Variants in GUCY1A2 observed in about 807,000 individuals in gnomAD.
The protein encoded by GUCY1A2 is guanylate cyclase soluble subunit alpha-2.
GUCY1A2 carries 27 observed loss-of-function variants against 63.5 expected under a neutral mutation model. The ratio of observed to expected loss-of-function variants is 0.43; its 90% CI spans 0.31 to 0.59. The LOEUF is 0.59. Ranked by LOEUF, GUCY1A2 falls within the 20% of genes least tolerant of loss-of-function variation. The pLI, the probability that GUCY1A2 is intolerant of heterozygous loss-of-function variation, is 0.11. For synonymous variants in GUCY1A2, 364 were observed against 343.5 expected (o/e 1.06, Z -0.66); for missense variants, 768 against 913.3 (o/e 0.84, Z 2.05).
At position 106,716,001 on chromosome 11, in the gene GUCY1A2, G is replaced by A. The variant is rs142431328; in HGVS notation, c.1837-7335C>T. Among the ~76,000 whole-genome samples, 4 of 152,300 alleles carry A rather than the reference G, an allele frequency of 2.6e-5. No homozygotes were observed. In the East Asian group the frequency reaches 7.7e-4, roughly 29 times the overall value. ...AGTCTTTCTCAAGAAAATACTCTTT[G>A]AGCTCAATGCTTCCCCACCTTTGGC... On this transcript the variant is annotated intron_variant, in intron 6 of 7. Transcript: ENST00000526355.
chr11:106,749,766 C>T (rs894126913), intron 6 of GUCY1A2, among the ~76,000 whole-genome samples: 1 of 152,084 alleles, frequency 6.6e-6, no homozygotes, highest in Admixed American at 6.6e-5. Flanking sequence ...CTCCTTCTCA[C>T]TCTTCACTCT....
Position 106,754,891 on chromosome 11 carries a change from CCT to C in GUCY1A2, c.1836+21546_1836+21547del, listed in dbSNP as rs1863946604. ...TCATAAAATGAGTTAGGGAGGATTC[CCT>C]CTTTTTCTATTGATTGGAATAGTTT... On this transcript the variant is annotated intron_variant, in intron 6 of 7. Transcript: ENST00000526355. Among the ~76,000 whole-genome samples, 6 of 152,206 alleles carry C rather than the reference CCT, an allele frequency of 3.9e-5. No individual in the cohort carries two copies. The South Asian group carries it at 1.2e-3, about 32-fold the overall frequency.
At chr11:106,799,365 A>C (rs1235703522) in intron 5 of GUCY1A2, among the ~76,000 whole-genome samples, 1 of 152,174 alleles carries the variant, frequency 6.6e-6, no homozygotes, top group Non-Finnish European at 1.5e-5. Flanking sequence ...CAAGCTACCA[A>C]TGACTTTCTT....
chr11:106,950,642 T>G (rs71488234), intron 3 of GUCY1A2, among the ~76,000 whole-genome samples: 1 of 152,196 alleles, frequency 6.6e-6, no homozygotes, highest in Admixed American at 6.5e-5. Flanking sequence ...TTGCTGATGA[T>G]GACTAGCCCT....
chr11:106,869,231 T>G (rs1204737375), intron 4 of GUCY1A2, among the ~76,000 whole-genome samples: 3 of 152,108 alleles, frequency 2.0e-5, no homozygotes, highest in African/African-American at 7.2e-5. Context: ...CCAAAAGCAA[T>G]GGCAACAAAT....
chr11:106,911,009 G>A lies in GUCY1A2; in HGVS notation c.1206+28451C>T, dbSNP rs139956909. Among the ~76,000 whole-genome samples, 17 of 152,020 alleles carry A rather than the reference G, an allele frequency of 1.1e-4. No individual in the cohort carries two copies. The East Asian group carries it at 3.1e-3, about 28-fold the overall frequency. On this transcript the variant is annotated intron_variant, in intron 4 of 7. Coordinates refer to ENST00000526355, the MANE Select transcript of GUCY1A2 (RefSeq NM_000855.3). ...TCCTCCAGGGCTCCACTGTTAAGAT[G>A]AAGACATACATTCTAGCACATAGTT...
intron 4 of GUCY1A2, among the ~76,000 whole-genome samples, chr11:106,853,348 T>A (rs569752461): frequency 6.0e-4 from 92 of 152,170 alleles, no homozygotes; most frequent in African/African-American, 2.0e-3. Context: ...CTTTTTAAAA[T>A]TTTTTTGGTT....
At chr11:106,923,050 C>T (rs536437309) in intron 4 of GUCY1A2, among the ~76,000 whole-genome samples, 2 of 151,962 alleles carry the variant, frequency 1.3e-5, no homozygotes, top group Non-Finnish European at 2.9e-5. Context: ...GACTAATAGC[C>T]AAAACTGGGG....
chr11:106,981,119 T>A (rs7932141), intron 2 of GUCY1A2, among the ~76,000 whole-genome samples: 97,183 of 151,992 alleles, frequency 0.64, 31,380 homozygotes, highest in Non-Finnish European at 0.68. Context: ...GATACAGTTT[T>A]TTTCTATGTA....
chr11:106,697,676 C>A (rs2135340757), intron 7 of GUCY1A2, among the ~76,000 whole-genome samples: 2 of 152,214 alleles, frequency 1.3e-5, no homozygotes, highest in South Asian at 4.1e-4. Flanking sequence ...GGCTTGATTA[C>A]ATGCTAAACC....
In GUCY1A2 at chr11:106,886,775, A is replaced by G. The variant is rs1396900579; in HGVS notation, c.1206+52685T>C. On this transcript the variant is annotated intron_variant, in intron 4 of 7. Transcript: ENST00000526355. ...GTATTACCCTCTTCAAAATCTCTAA[A>G]CTGTCAAAAAGATAGTCACCAGAAA... 7.9e-5 allele frequency among the ~76,000 whole-genome samples: 12 copies of G among 152,080 alleles called. No homozygotes were observed. In the South Asian group the frequency reaches 1.5e-3, roughly 18 times the overall value.
chr11:106,765,093 CTTT>C (rs1245277521), intron 6 of GUCY1A2, among the ~76,000 whole-genome samples: 6 of 151,572 alleles, frequency 4.0e-5, no homozygotes, highest in African/African-American at 1.5e-4. Flanking sequence ...ACCCCAATGT[CTTT>C]TTTTATCTTT....
At chr11:106,869,485 C>T (rs888738125) in intron 4 of GUCY1A2, among the ~76,000 whole-genome samples, 4 of 152,156 alleles carry the variant, frequency 2.6e-5, no homozygotes, top group African/African-American at 9.7e-5. Flanking sequence ...GACATTTATG[C>T]AGCCAACAGA....
chr11:106,769,200 C>T (rs985718928), intron 6 of GUCY1A2, among the ~76,000 whole-genome samples: 21 of 152,016 alleles, frequency 1.4e-4, no homozygotes, highest in African/African-American at 4.3e-4. Flanking sequence ...AGTGAAAGAA[C>T]AAATGATGTA....
At chr11:107,011,468 A>G (rs1378607984) in intron 1 of GUCY1A2, among the ~76,000 whole-genome samples, 1 of 149,890 alleles carries the variant, frequency 6.7e-6, no homozygotes, top group Non-Finnish European at 1.5e-5. Flanking sequence ...TTAAAGGTAA[A>G]TAAACTATAC....
chr11:106,889,671 A>C (rs1454243023), intron 4 of GUCY1A2, among the ~76,000 whole-genome samples: 1 of 152,108 alleles, frequency 6.6e-6, no homozygotes, highest in Middle Eastern at 3.2e-3. Flanking sequence ...AAACTATTAT[A>C]TGTCTTGGCT....
chr11:106,858,998 C>T (rs1230622829), intron 4 of GUCY1A2, among the ~76,000 whole-genome samples: 1 of 152,026 alleles, frequency 6.6e-6, no homozygotes. Context: ...ATATAAGATA[C>T]ATAGGTTATA....
chr11:107,013,131 C>T (rs1357296505), intron 1 of GUCY1A2, among the ~76,000 whole-genome samples: 2 of 152,168 alleles, frequency 1.3e-5, no homozygotes, highest in Non-Finnish European at 2.9e-5. Flanking sequence ...TCACTAGTCT[C>T]TGTTTCTTGA....
intron 6 of GUCY1A2, among the ~76,000 whole-genome samples, chr11:106,739,767 T>C (rs918475788): frequency 6.6e-6 from 1 of 152,204 alleles, no homozygotes; most frequent in African/African-American, 2.4e-5. Context: ...AGATACTTTA[T>C]GGTGAACCAT....
Sources: allele counts gnomAD v4.1 joint callset (sites outside exome capture counted in the v4.1 genomes callset), GRCh38; gene constraint gnomAD v4.1.1; transcripts MANE v1.5; gene names NCBI Gene and HGNC (gene_info 2026-07-23, HGNC 2026-07-21).